CNTN1: variants seen among roughly 807,000 people sequenced by gnomAD.
The protein encoded by CNTN1 is contactin 1.
Under a neutral mutation model 126.4 loss-of-function variants are expected in CNTN1, and 38 were observed. The ratio of observed to expected loss-of-function variants is 0.30; its 90% CI spans 0.23 to 0.39. CNTN1 has a LOEUF of 0.39. Ranked by LOEUF, CNTN1 falls within the 10% of genes least tolerant of loss-of-function variation. CNTN1 has a pLI of 1.00. For missense variants in CNTN1, 1,009 were observed against 1,248.4 expected (o/e 0.81, Z 2.89); for synonymous variants, 413 against 422.6 (o/e 0.98, Z 0.28).
intron 23 of CNTN1, among the ~76,000 whole-genome samples, chr12:41,055,519 C>G (rs942407048): frequency 2.0e-5 from 3 of 152,210 alleles, no homozygotes; most frequent in Admixed American, 2.0e-4. Context: ...GTTTACCACA[C>G]CGTACTACAG....
intron 12 of CNTN1, among the ~76,000 whole-genome samples, chr12:40,941,206 A>G (rs752683232): frequency 5.3e-5 from 8 of 152,312 alleles, no homozygotes; most frequent in Admixed American, 1.3e-4. Context: ...CCTTGATTAA[A>G]GAGTCTATAA....
chr12:40,837,747 T>C (rs1252835851), intron 1 of CNTN1, among the ~76,000 whole-genome samples: 1 of 152,072 alleles, frequency 6.6e-6, no homozygotes, highest in Non-Finnish European at 1.5e-5. Flanking sequence ...AAGTGAGGTG[T>C]GGGCTGTAGC....
At chr12:41,037,138 C>T (rs2120915817) in intron 23 of CNTN1, among the ~76,000 whole-genome samples, 1 of 151,998 alleles carries the variant, frequency 6.6e-6, no homozygotes, top group Non-Finnish European at 1.5e-5. Flanking sequence ...AAATATTTTT[C>T]CAGGTTTGTT....
intron 1 of CNTN1, among the ~76,000 whole-genome samples, chr12:40,802,969 C>G (rs1484628948): frequency 6.6e-6 from 1 of 151,908 alleles, no homozygotes; most frequent in African/African-American, 2.4e-5. Flanking sequence ...ACTAGTAAAG[C>G]CATGTTTCGA....
At chr12:40,965,037 T>A (rs1947256291) in intron 15 of CNTN1, among the ~76,000 whole-genome samples, 1 of 152,138 alleles carries the variant, frequency 6.6e-6, no homozygotes, top group Non-Finnish European at 1.5e-5. Flanking sequence ...TTGTAAGAAA[T>A]ATGGAATAGA....
At chr12:40,727,070 A>G (rs1942374977) in intron 1 of CNTN1, among the ~76,000 whole-genome samples, 1 of 149,752 alleles carries the variant, frequency 6.7e-6, no homozygotes, top group Non-Finnish European at 1.5e-5. Flanking sequence ...TTTTTATTAT[A>G]ATAATTAAAA....
At chr12:40,716,140 T>A (rs991124303) in intron 1 of CNTN1, among the ~76,000 whole-genome samples, 3 of 151,950 alleles carry the variant, frequency 2.0e-5, no homozygotes, top group Non-Finnish European at 4.4e-5. Context: ...AAGGATAAAC[T>A]TTTCCATGGC....
intron 1 of CNTN1, among the ~76,000 whole-genome samples, chr12:40,740,262 T>A (rs1287182810): frequency 6.6e-6 from 1 of 152,078 alleles, no homozygotes; most frequent in East Asian, 1.9e-4. Context: ...AGAAGTAAAA[T>A]TGTGTCAATC....
chr12:40,770,889 A>G (rs1398645363), intron 1 of CNTN1, among the ~76,000 whole-genome samples: 2 of 152,112 alleles, frequency 1.3e-5, no homozygotes, highest in Non-Finnish European at 2.9e-5. Context: ...ATTACATTTT[A>G]CTAGTGACAA....
chr12:41,036,509 A>AT (rs1192792964), intron 23 of CNTN1, among the ~76,000 whole-genome samples: 1 of 152,200 alleles, frequency 6.6e-6, no homozygotes, highest in Non-Finnish European at 1.5e-5. Context: ...AATCAGTTTC[A>AT]TGGTATATAA....
chr12:40,891,782 C>T (rs185672933), intron 1 of CNTN1, among the ~76,000 whole-genome samples: 11 of 152,142 alleles, frequency 7.2e-5, no homozygotes, highest in African/African-American at 2.4e-4. Flanking sequence ...ATCTTGGTGA[C>T]CATAGCTTTA....
intron 15 of CNTN1, 127 bp from the exon 16 acceptor site, chr12:40,980,782 G>A: frequency 2.4e-6 from 2 of 842,892 alleles, no homozygotes; most frequent in South Asian, 1.5e-5. Context: ...TAAAAGAAAT[G>A]CAGACACACT....
intron 1 of CNTN1, among the ~76,000 whole-genome samples, chr12:40,835,728 T>C (rs1416374635): frequency 1.3e-5 from 2 of 151,968 alleles, no homozygotes; most frequent in Non-Finnish European, 2.9e-5. Flanking sequence ...TAGCTGACAC[T>C]TTAATCTCTT....
chr12:40,767,547 A>G (rs1310277523), intron 1 of CNTN1, among the ~76,000 whole-genome samples: 1 of 151,658 alleles, frequency 6.6e-6, no homozygotes, highest in African/African-American at 2.4e-5. Flanking sequence ...TGACCTCTTG[A>G]TCCGCCCGCC....
chr12:40,706,421 G>A (rs953063187), intron 1 of CNTN1, among the ~76,000 whole-genome samples: 15 of 151,988 alleles, frequency 9.9e-5, no homozygotes, highest in African/African-American at 3.4e-4. Flanking sequence ...TCCCTCCTAC[G>A]TTCCTAGTGT....
At chr12:40,834,393 A>T (rs1041059344) in intron 1 of CNTN1, among the ~76,000 whole-genome samples, 1 of 152,168 alleles carries the variant, frequency 6.6e-6, no homozygotes, top group Non-Finnish European at 1.5e-5. Context: ...TGAAAAACTC[A>T]AGTGGCAAAT....
intron 23 of CNTN1, among the ~76,000 whole-genome samples, chr12:41,043,334 G>A (rs35456003): frequency 0.034 from 5,141 of 152,030 alleles, 113 homozygotes; most frequent in Middle Eastern, 0.11. Flanking sequence ...TCAAAAAGTG[G>A]GCAAAGGACA....
At chr12:40,910,133 A>T (rs780109729) in intron 3 of CNTN1, 28 bp downstream of exon 3, 1 of 1,543,586 alleles carries the variant, frequency 6.5e-7, no homozygotes, top group Non-Finnish European at 9.0e-7. Context: ...TAGACCTTGT[A>T]AACATCTTTT....
At chr12:41,013,449 C>A (rs922973783) in intron 17 of CNTN1, among the ~76,000 whole-genome samples, 2 of 152,026 alleles carry the variant, frequency 1.3e-5, no homozygotes, top group Non-Finnish European at 2.9e-5. Context: ...CTCCCATACC[C>A]TTACTTTCTG....
Sources: allele counts gnomAD v4.1 joint callset (sites outside exome capture counted in the v4.1 genomes callset), GRCh38; gene constraint gnomAD v4.1.1; transcripts MANE v1.5; gene names NCBI Gene and HGNC (gene_info 2026-07-23, HGNC 2026-07-21).